The following FBN3 variants were observed in gnomAD, a reference collection of about 807,000 sequenced individuals.
FBN3 encodes fibrillin 3.
Under a neutral mutation model 330.1 loss-of-function variants are expected in FBN3, and 234 were observed. That is an observed-to-expected ratio of 0.71 (90% confidence interval 0.64 to 0.79). The LOEUF (loss-of-function observed/expected upper bound fraction) is 0.79. FBN3 is among the 30% of genes least tolerant of loss of function. The pLI, the probability that FBN3 is intolerant of heterozygous loss-of-function variation, is 0.00. For missense variants in FBN3, 3,606 were observed against 3,886.9 expected (o/e 0.93, Z 1.92); for synonymous variants, 1,458 against 1,517.3 (o/e 0.96, Z 0.91).
chr19:8,139,141 G>T (rs982722222), intron 8 of FBN3, among the ~76,000 whole-genome samples: 7 of 152,040 alleles, frequency 4.6e-5, no homozygotes, highest in African/African-American at 1.7e-4. Flanking sequence ...GAGGTCAGGA[G>T]TTCAAGAAGA....
chr19:8,107,912 A>C (rs528085015), intron 37 of FBN3, among the ~76,000 whole-genome samples: 24 of 152,132 alleles, frequency 1.6e-4, no homozygotes, highest in Middle Eastern at 6.8e-3. Flanking sequence ...GGACAGAAGG[A>C]TGGAGGATGA....
intron 40 of FBN3, among the ~76,000 whole-genome samples, chr19:8,101,532 C>T (rs1253352489): frequency 2.0e-5 from 3 of 152,176 alleles, no homozygotes; most frequent in African/African-American, 7.2e-5. Context: ...TCATCCTGAC[C>T]GATGTTCCCA....
intron 8 of FBN3, among the ~76,000 whole-genome samples, chr19:8,139,024 G>A (rs1051053211): frequency 2.3e-4 from 34 of 150,788 alleles, no homozygotes; most frequent in African/African-American, 6.3e-4. Context: ...ACTGCACTCC[G>A]GCCTGGGCAA....
chr19:8,141,988 G>T lies in FBN3; in HGVS notation c.691C>A (p.Pro231Thr), dbSNP rs200251206. 1.9e-6 allele frequency: 3 copies of T among 1,614,166 alleles called. No individual in the cohort carries two copies. Among genetic ancestry groups the T allele is most frequent in the Non-Finnish European group, 2.5e-6 (3 of 1,180,018 alleles). ...TTGGGGATGAAGCCGCGGCGGCAGGGGTGTGGCTGTGCAGGGCAAAGTTCA... is the reference window on the plus strand; with the variant it reads ...TTGGGGATGAAGCCGCGGCGGCAGGTGTGTGGCTGTGCAGGGCAAAGTTCA... ...PCELCPAQPH[P>T]CRRGFIPNIH... Residue 231 changes from proline to threonine, a missense_variant, in exon 7 of 64, where the codon CCC (proline) becomes ACC (threonine). By Grantham distance (38) the Pro-to-Thr change is conservative. Transcript: ENST00000600128.
At chr19:8,085,213 G>C in intron 56 of FBN3, 150 bp downstream of exon 56, 1 of 521,928 alleles carries the variant, frequency 1.9e-6, no homozygotes, top group Non-Finnish European at 3.1e-6. Context: ...ATATCTGCTA[G>C]CACAAAGACA....
At position 8,138,212 on chromosome 19, in the gene FBN3, G is replaced by A; in HGVS notation, c.1130C>T (p.Pro377Leu). Residue 377 changes from proline (P) to leucine (L), a missense_variant, in exon 10 of 64, where the codon CCA becomes CTA. Transcript: ENST00000600128. Reference protein sequence around the residue: ...GSNGMGPPLGPARLNPHGSDA... With the variant: ...GSNGMGPPLGLARLNPHGSDA... The stretch of plus-strand genomic sequence containing the variant: ...AGAGCCATGGGGGTTGAGTCGCGCT[G>A]GCCCAAGAGGGGGACCCATGCCATT... 1 of 1,612,410 alleles carries A rather than the reference G, an allele frequency of 6.2e-7. No individual in the cohort carries two copies. The highest frequency in any genetic ancestry group is 1.1e-5 in the South Asian group (1 of 90,902).
At position 8,087,963 on chromosome 19, in the gene FBN3, G is replaced by C. The variant is rs1039977668; in HGVS notation, c.6497-16C>G. 2 of 1,614,008 alleles carry C rather than the reference G, an allele frequency of 1.2e-6. No individual in the cohort carries two copies. Among genetic ancestry groups the C allele is most frequent in the Admixed American group, 1.7e-5 (1 of 60,000 alleles). On this transcript the variant is annotated splice_polypyrimidine_tract_variant and intron_variant, in intron 52 of 63. Coordinates refer to ENST00000600128, the MANE Select transcript of FBN3 (RefSeq NM_032447.5). Reference sequence around the variant, plus strand: ...TCGTCGATGTCTGGGGAGGCCAGTGGAGGTGCCAGCTGGGTAGGGACTGAG... The same window carrying C: ...TCGTCGATGTCTGGGGAGGCCAGTGCAGGTGCCAGCTGGGTAGGGACTGAG...
intron 61 of FBN3, among the ~76,000 whole-genome samples, chr19:8,074,220 G>A (rs186470061): frequency 9.3e-4 from 141 of 152,252 alleles, no homozygotes; most frequent in African/African-American, 3.2e-3. Flanking sequence ...ACAAGTTGAG[G>A]AAGAGTTGCC....
chr19:8,106,316 T>C, intron 37 of FBN3, 83 bp from the exon 38 acceptor site: 1 of 1,464,266 alleles, frequency 6.8e-7, no homozygotes, highest in Non-Finnish European at 9.5e-7. Context: ...CTCTGGGTTC[T>C]CCAGGGCCCT....
chr19:8,086,725 C>G (rs2081971607), intron 54 of FBN3, among the ~76,000 whole-genome samples: 1 of 151,454 alleles, frequency 6.6e-6, no homozygotes, highest in Non-Finnish European at 1.5e-5. Context: ...GCCTTGGTCT[C>G]CCAAAGTGCT....
At chr19:8,128,330 G>A (rs1213898048) in intron 18 of FBN3, among the ~76,000 whole-genome samples, 1 of 152,160 alleles carries the variant, frequency 6.6e-6, no homozygotes, top group Non-Finnish European at 1.5e-5. Context: ...TTGGGAGGCT[G>A]AAGCAGGTGG....
Position 8,138,402 on chromosome 19 carries a change from T to C in FBN3, c.1018+10A>G. The C allele has an allele frequency of 6.2e-7, 1 of 1,610,640 alleles. No individual in the cohort carries two copies. Among genetic ancestry groups the C allele is most frequent in the South Asian group, 1.1e-5 (1 of 90,952 alleles). The stretch of plus-strand genomic sequence containing the variant: ...CACCCACAGCCCTGCAGGCTGCAGC[T>C]CTTACTCACTGGAGCCCCGAGGAGG... On this transcript the variant is annotated intron_variant, in intron 9 of 63. Transcript: ENST00000600128.
chr19:8,098,903 A>C (rs4804059), intron 41 of FBN3, among the ~76,000 whole-genome samples: 105,418 of 151,322 alleles, frequency 0.7, 41,050 homozygotes, highest in Non-Finnish European at 0.87. Flanking sequence ...CTAAGTGTCC[A>C]TCAGTGGGGG....
chr19:8,113,093 A>C (rs1055658752), intron 30 of FBN3, among the ~76,000 whole-genome samples: 6 of 152,218 alleles, frequency 3.9e-5, no homozygotes, highest in Non-Finnish European at 8.8e-5. Flanking sequence ...GTCATCCCGG[A>C]TTAGTGTAGG....
At chr19:8,094,913 C>T (rs759554587) in intron 46 of FBN3, among the ~76,000 whole-genome samples, 1 of 152,194 alleles carries the variant, frequency 6.6e-6, no homozygotes, top group Non-Finnish European at 1.5e-5. Context: ...CAGCCTCACC[C>T]TACACAACAA....
At chr19:8,103,453 A>T in intron 39 of FBN3, 109 bp downstream of exon 39, 1 of 1,161,630 alleles carries the variant, frequency 8.6e-7, no homozygotes, top group Non-Finnish European at 1.2e-6. Flanking sequence ...TCAGCACTTC[A>T]TATATGCTTA....
chr19:8,070,369 C>T (rs1163689605), intron 63 of FBN3, among the ~76,000 whole-genome samples: 4 of 152,120 alleles, frequency 2.6e-5, no homozygotes, highest in African/African-American at 7.2e-5. Context: ...ATCAGCCTCA[C>T]GAGGGCAGGT....
At chr19:8,138,391 C>A (rs763925884) in intron 9 of FBN3, 21 bp downstream of exon 9, 45 of 1,610,100 alleles carry the variant, frequency 2.8e-5, no homozygotes, top group Non-Finnish European at 3.6e-5. Context: ...CACAGCCCTG[C>A]AGGCTGCAGC....
chr19:8,076,607 C>A (rs2081648058), intron 59 of FBN3, among the ~76,000 whole-genome samples: 1 of 152,128 alleles, frequency 6.6e-6, no homozygotes, highest in Non-Finnish European at 1.5e-5. Flanking sequence ...CCACTGCACT[C>A]CAGTCTGGGT....
Sources: allele counts gnomAD v4.1 joint callset (sites outside exome capture counted in the v4.1 genomes callset), GRCh38; gene constraint gnomAD v4.1.1; transcripts MANE v1.5; gene names NCBI Gene and HGNC (gene_info 2026-07-23, HGNC 2026-07-21).